The following PDE11A variants were observed in gnomAD, a reference collection of about 807,000 sequenced individuals.
The protein encoded by PDE11A is phosphodiesterase 11A, also known as dual 3',5'-cyclic-AMP and -GMP phosphodiesterase 11A.
PDE11A carries 100 observed loss-of-function variants against 100.5 expected under a neutral mutation model. That is an observed-to-expected ratio of 1.00 (90% CI 0.85 to 1.18). The LOEUF (loss-of-function observed/expected upper bound fraction) is 1.18. Ranked by LOEUF, PDE11A falls within the 50% of genes most tolerant of loss-of-function variation. The probability of loss-of-function intolerance (pLI) is 0.00; values close to 1 mark genes in which losing one functional copy is unlikely to be tolerated. For missense variants in PDE11A, 1,141 were observed against 1,152.6 expected, an observed-to-expected ratio of 0.99 and a Z score of 0.15; for synonymous variants, 381 against 420.8, an observed-to-expected ratio of 0.91 and a Z score of 1.16.
At chr2:177,977,421 G>C (rs2085823616) in intron 2 of PDE11A, among the ~76,000 whole-genome samples, 1 of 138,906 alleles carries the variant, frequency 7.2e-6, no homozygotes, top group African/African-American at 2.7e-5. Context: ...ACAAACCACT[G>C]CTCAAGGAAA....
At chr2:178,010,349 C>T (rs1435804521) in intron 2 of PDE11A, among the ~76,000 whole-genome samples, 1 of 152,174 alleles carries the variant, frequency 6.6e-6, no homozygotes, top group Non-Finnish European at 1.5e-5. Context: ...GAACGTGGGA[C>T]AAGGTTTTCT....
Position 178,072,131 on chromosome 2 carries a change from C to T in PDE11A, c.307G>A (p.Ala103Thr), listed in dbSNP as rs202187508. 1 of 1,613,736 alleles carries T rather than the reference C, an allele frequency of 6.2e-7. No individual in the cohort carries two copies. The change falls in exon 1 of 20, where the codon GCC (alanine) becomes ACC (threonine). Residue 103 changes from alanine to threonine, a missense_variant. Coordinates refer to ENST00000286063, the MANE Select transcript of PDE11A (RefSeq NM_016953.4). The part of the protein sequence containing the change: ...CGGVPLSPSW[A>T]GGSRGDGNLQ... ...TTCCCATCGCCCCTGCTGCCACCGG[C>T]CCAGCTGGGACTCAAGGGAACCCCA...
intron 2 of PDE11A, among the ~76,000 whole-genome samples, chr2:177,946,087 T>G (rs1169018962): frequency 9.7e-6 from 1 of 103,118 alleles, no homozygotes; most frequent in Non-Finnish European, 1.9e-5. Flanking sequence ...AGCCGCCCCG[T>G]CCGGGATGGA....
Position 177,685,852 on chromosome 2 carries a change from C to T in PDE11A, c.2346-4949G>A, listed in dbSNP as rs527686759. 9.2e-5 allele frequency among the ~76,000 whole-genome samples: 14 copies of T among 152,284 alleles called. No homozygotes were observed. The East Asian group carries it at 1.9e-3, about 21-fold the overall frequency. On this transcript the variant is annotated intron_variant, in intron 15 of 19. Coordinates refer to ENST00000286063, the MANE Select transcript of PDE11A (RefSeq NM_016953.4). ...ATAGTGCTGGGATTACAGGTGTGAG[C>T]CATCGTGCTGGCCCAAATTCCTTTC...
intron 2 of PDE11A, among the ~76,000 whole-genome samples, chr2:178,004,900 A>C (rs941619469): frequency 6.6e-6 from 1 of 152,130 alleles, no homozygotes; most frequent in African/African-American, 2.4e-5. Context: ...TGGCAAACTG[A>C]AATTGTGATT....
At chr2:177,747,662 A>C (rs568155364) in intron 10 of PDE11A, among the ~76,000 whole-genome samples, 1 of 152,336 alleles carries the variant, frequency 6.6e-6, no homozygotes, top group South Asian at 2.1e-4. Context: ...CCCAGGATCC[A>C]ATGCTGAAGT....
Position 177,629,034 on chromosome 2 carries a change from A to G in PDE11A, c.*373T>C, listed in dbSNP as rs1029590016. ...GGCTTGTAACAAACAGAAAAGCCCT[A>G]TACAAAACGAAGCAGCGCTAATGAC... On this transcript the variant is annotated 3_prime_UTR_variant, in exon 20 of 20. Coordinates refer to ENST00000286063, the MANE Select transcript of PDE11A (RefSeq NM_016953.4). The G allele has an allele frequency of 1.4e-5, 4 of 284,678 alleles. No homozygotes were observed. In the Admixed American group the frequency reaches 1.9e-4, roughly 14 times the overall value. The allele number at this position is 284,678 out of a possible 1,614,324, so 17.6% of individuals were successfully genotyped here.
chr2:177,731,401 G>C (rs2081687448), intron 10 of PDE11A, among the ~76,000 whole-genome samples: 1 of 152,170 alleles, frequency 6.6e-6, no homozygotes, highest in Non-Finnish European at 1.5e-5. Flanking sequence ...CCAAATATCA[G>C]TGTCTTTGTG....
chr2:177,819,695 T>C (rs1224196771), intron 7 of PDE11A, among the ~76,000 whole-genome samples: 1 of 152,020 alleles, frequency 6.6e-6, no homozygotes, highest in East Asian at 1.9e-4. Context: ...ATGTCCAATA[T>C]AGAATGTTAT....
upstream of PDE11A, among the ~76,000 whole-genome samples, chr2:178,076,879 C>T (rs761386258): frequency 2.6e-5 from 4 of 152,282 alleles, no homozygotes; most frequent in East Asian, 5.8e-4. Flanking sequence ...ATATCTAGGG[C>T]CTCAGTGCTG....
At chr2:177,870,825 T>G (rs2105686902) in intron 5 of PDE11A, among the ~76,000 whole-genome samples, 1 of 152,338 alleles carries the variant, frequency 6.6e-6, no homozygotes, top group East Asian at 1.9e-4. Flanking sequence ...TCATGTTGTT[T>G]CTGTTGTTTT....
intron 1 of PDE11A, among the ~76,000 whole-genome samples, chr2:178,106,693 CT>C (rs1420194761): frequency 6.6e-6 from 1 of 152,108 alleles, no homozygotes; most frequent in Non-Finnish European, 1.5e-5. Context: ...GGCATGGTAG[CT>C]CACACCTGTA....
chr2:177,928,104 C>CA (rs59085357), intron 2 of PDE11A, among the ~76,000 whole-genome samples: 8,609 of 56,096 alleles, frequency 0.15, 882 homozygotes, highest in Middle Eastern at 0.18. Context: ...AACTCCATCT[C>CA]AAAAAAAAAA....
chr2:177,973,093 C>A (rs1412761794), intron 2 of PDE11A, among the ~76,000 whole-genome samples: 1 of 151,818 alleles, frequency 6.6e-6, no homozygotes, highest in Non-Finnish European at 1.5e-5. Context: ...GTCAAGATGG[C>A]CGAATAGGAA....
rs147002390 is a variant in PDE11A at position 178,091,456 on chromosome 2, G to A, written c.162+12846C>T. ...ATTGGAGCAGAAGATCCAAGTTTTG[G>A]TTCTGGTGCCAGATCTCTCTAGGTG... On this transcript the variant is annotated intron_variant, in intron 2 of 20. Transcript: ENST00000358450. Among the ~76,000 whole-genome samples the A allele has an allele frequency of 9.5e-4, 144 of 152,290 alleles. 2 individuals carry two copies. The highest frequency in any genetic ancestry group is 3.4e-3 in the African/African-American group (142 of 41,562).
intron 10 of PDE11A, among the ~76,000 whole-genome samples, chr2:177,750,305 T>C (rs973015494): frequency 6.6e-6 from 1 of 152,190 alleles, no homozygotes; most frequent in Non-Finnish European, 1.5e-5. Flanking sequence ...GTGGAAATAC[T>C]GACAATAAAA....
Position 178,072,335 on chromosome 2 carries a change from C to T in PDE11A, c.103G>A (p.Val35Ile), listed in dbSNP as rs778640057. 33 of 1,614,034 alleles carry T rather than the reference C, an allele frequency of 2.0e-5. No individual in the cohort carries two copies. Among genetic ancestry groups the T allele is most frequent in the Non-Finnish European group, 2.5e-5 (30 of 1,180,052 alleles). Residue 35 changes from valine (V) to isoleucine (I), a missense_variant, in exon 1 of 20, where the codon GTT becomes ATT. By Grantham distance (29) the Val-to-Ile change is conservative. Transcript: ENST00000286063. ...YLMRKGKQEM[V>I]EKWLQRHSQG... is the part of the protein sequence containing the mutation. ...CTGTGCCTCTGCAGCCACTTTTCAA[C>T]CATCTCCTGCTTCCCCTTCCGCATC...
At chr2:178,084,642 C>T (rs1206456807) in intron 2 of PDE11A, among the ~76,000 whole-genome samples, 3 of 151,806 alleles carry the variant, frequency 2.0e-5, no homozygotes, top group South Asian at 2.1e-4. Flanking sequence ...CATGACTGGT[C>T]GGGTTAACAG....
chr2:177,700,648 G>A (rs1327582589), intron 14 of PDE11A, among the ~76,000 whole-genome samples: 1 of 152,168 alleles, frequency 6.6e-6, no homozygotes, highest in African/African-American at 2.4e-5. Flanking sequence ...GGTCCCACCA[G>A]CAATTTTAAG....
Sources: gnomAD v4.1 joint callset for allele counts (sites outside exome capture counted in the v4.1 genomes callset) on GRCh38, gnomAD v4.1.1 for gene constraint, MANE v1.5 for transcripts, NCBI Gene and HGNC (gene_info 2026-07-23, HGNC 2026-07-21) for gene names.